Variants in CASTOR2 observed in about 807,000 individuals in gnomAD.
The protein encoded by CASTOR2 is cytosolic arginine sensor for mTORC1 subunit 2.
A neutral mutation model predicts 31.2 loss-of-function variants in CASTOR2; 8 were observed. The ratio of observed to expected loss-of-function variants is 0.26; its 90% CI spans 0.15 to 0.46. The LOEUF is 0.46. CASTOR2 is among the 20% of genes least tolerant of loss of function. The pLI, the probability that CASTOR2 is intolerant of heterozygous loss-of-function variation, is 0.99. For missense variants in CASTOR2, 216 were observed against 382.1 expected, an observed-to-expected ratio of 0.57 and a Z score of 3.62; for synonymous variants, 162 against 158.7, an observed-to-expected ratio of 1.02 and a Z score of -0.16.
intron 1 of CASTOR2, among the ~76,000 whole-genome samples, chr7:74,991,736 T>C (rs1191759251): frequency 4.7e-5 from 7 of 149,654 alleles, no homozygotes; most frequent in African/African-American, 1.7e-4. Context: ...GGCTGGGGAG[T>C]GGAATGAGGG....
intron 1 of CASTOR2, among the ~76,000 whole-genome samples, chr7:75,003,680 G>A (rs1167463012): frequency 6.6e-6 from 1 of 151,980 alleles, no homozygotes; most frequent in Non-Finnish European, 1.5e-5. Context: ...AACCCAGGAG[G>A]CGGAGCTTGC....
chr7:74,977,571 CAG>C (rs1395502107), intron 1 of CASTOR2, among the ~76,000 whole-genome samples: 10 of 147,270 alleles, frequency 6.8e-5, no homozygotes, highest in Non-Finnish European at 1.5e-4. Context: ...TTAGTAGAGA[CAG>C]AGTTTCACTG....
At chr7:74,981,901 TA>T (rs1426477662) in intron 1 of CASTOR2, among the ~76,000 whole-genome samples, 1 of 126,150 alleles carries the variant, frequency 7.9e-6, no homozygotes, top group Non-Finnish European at 1.6e-5. Context: ...ACCCCGTCTC[TA>T]CAAGAAATTT....
Position 75,031,299 on chromosome 7 carries a change from C to CCAG in CASTOR2, c.*6611_*6613dup, listed in dbSNP as rs1406243800. 5.3e-5 allele frequency among the ~76,000 whole-genome samples: 8 copies of CCAG among 152,092 alleles called. No homozygotes were observed. Among genetic ancestry groups the CCAG allele is most frequent in the Non-Finnish European group, 7.4e-5 (5 of 68,002 alleles). On this transcript the variant is annotated 3_prime_UTR_variant, in exon 9 of 9. Transcript: ENST00000616305. ...ACCCTCACCTGGCGTGCCCGGGTCA[C>CCAG]CAGCAGCAGCAGCGGCGTTCCATCG...
rs1215289260 is a variant in CASTOR2 at position 75,000,055 on chromosome 7, C to T, written c.114-7939C>T. 9.2e-5 allele frequency among the ~76,000 whole-genome samples: 14 copies of T among 152,194 alleles called. No homozygotes were observed. The South Asian group carries it at 1.7e-3, about 18-fold the overall frequency. On this transcript the variant is annotated intron_variant, in intron 1 of 8. Coordinates refer to ENST00000616305, the MANE Select transcript of CASTOR2 (RefSeq NM_001145064.3). The stretch of plus-strand genomic sequence containing the variant: ...CAGCCTGGGCAATATAGCAAGACCC[C>T]GTCTCCACAAACATTTAAAAATTAG...
At chr7:74,996,627 A>C (rs1347782319) in intron 1 of CASTOR2, among the ~76,000 whole-genome samples, 1 of 150,534 alleles carries the variant, frequency 6.6e-6, no homozygotes, top group Admixed American at 6.6e-5. Context: ...TATGTCAGGG[A>C]AAGACCAGGG....
At chr7:74,990,322 A>C (rs1343074068) in intron 1 of CASTOR2, among the ~76,000 whole-genome samples, 1 of 150,674 alleles carries the variant, frequency 6.6e-6, no homozygotes, top group Non-Finnish European at 1.5e-5. Context: ...CGGGAGGTGG[A>C]GCTTGCAGTG....
chr7:75,006,722 T>G (rs1804613701), intron 1 of CASTOR2, among the ~76,000 whole-genome samples: 1 of 152,250 alleles, frequency 6.6e-6, no homozygotes, highest in Non-Finnish European at 1.5e-5. Context: ...TGGCAGTGAA[T>G]AAGTCTCACG....
chr7:75,023,464 CTTTTTGT>C (rs878980871), intron 7 of CASTOR2, among the ~76,000 whole-genome samples: 83,139 of 138,460 alleles, frequency 0.6, 24,548 homozygotes, highest in East Asian at 0.83. Flanking sequence ...TTTTTTTTTT[CTTTTTGT>C]TTTTTGTTTT....
chr7:74,999,806 C>T (rs1309867086), intron 1 of CASTOR2, among the ~76,000 whole-genome samples: 9 of 151,696 alleles, frequency 5.9e-5, no homozygotes, highest in African/African-American at 1.5e-4. Context: ...TTAGTAGAGA[C>T]GGGGTTTCAC....
intron 1 of CASTOR2, among the ~76,000 whole-genome samples, chr7:74,991,888 T>C (rs1330009634): frequency 6.6e-6 from 1 of 151,872 alleles, no homozygotes; most frequent in Non-Finnish European, 1.5e-5. Context: ...GTGGGAGCCA[T>C]GGGAGGTGCT....
intron 1 of CASTOR2, among the ~76,000 whole-genome samples, chr7:75,005,523 C>T (rs1804587726): frequency 6.6e-6 from 1 of 152,040 alleles, no homozygotes; most frequent in Non-Finnish European, 1.5e-5. Context: ...TTTTTGTTTC[C>T]AATTTAGGAA....
chr7:75,016,996 A>G (rs1246766208), intron 2 of CASTOR2, among the ~76,000 whole-genome samples: 7 of 152,092 alleles, frequency 4.6e-5, no homozygotes, highest in Non-Finnish European at 7.4e-5. Context: ...GGAAAATGCC[A>G]TCTCTACTAA....
chr7:75,008,147 C>T (rs1554438965), intron 2 of CASTOR2, 83 bp downstream of exon 2: 95 of 1,445,602 alleles, frequency 6.6e-5, no homozygotes, highest in African/African-American at 5.7e-4. Context: ...TTCTGTCCCC[C>T]GCCCACCTCC....
rs1460481386 is a variant in CASTOR2, at chr7:75,001,537, C to T, written c.114-6457C>T. ...CCTGGCCATGACTCATTAGAAAAGG[C>T]GGAGAGAGAATTAGAACTGGAGACC... is the stretch of plus-strand genomic sequence containing the variant. On this transcript the variant is annotated intron_variant, in intron 1 of 8. Coordinates refer to ENST00000616305, the MANE Select transcript of CASTOR2 (RefSeq NM_001145064.3). Among the ~76,000 whole-genome samples, 268 of 152,260 alleles carry T rather than the reference C, an allele frequency of 1.8e-3. 2 individuals are homozygous for T. Among genetic ancestry groups the T allele is most frequent in the African/African-American group, 5.8e-3 (242 of 41,542 alleles).
In CASTOR2 at chr7:75,025,499, G is replaced by A. The variant is rs992990633; in HGVS notation, c.*800G>A. 1.3e-5 allele frequency among the ~76,000 whole-genome samples: 2 copies of A among 152,208 alleles called. No homozygotes were observed. The highest frequency in any genetic ancestry group is 4.8e-5 in the African/African-American group (2 of 41,458). On this transcript the variant is annotated 3_prime_UTR_variant, in exon 9 of 9. Coordinates refer to ENST00000616305, the MANE Select transcript of CASTOR2 (RefSeq NM_001145064.3). The stretch of plus-strand genomic sequence containing the variant: ...CCCGACTTGGGCAGGTAGAGCCTCA[G>A]CTTCCCCCAGTAGGGACATCCCTGG...
chr7:74,990,117 G>A (rs1197147222), intron 1 of CASTOR2, among the ~76,000 whole-genome samples: 4 of 151,950 alleles, frequency 2.6e-5, no homozygotes, highest in African/African-American at 9.7e-5. Flanking sequence ...TGCCGGGTGC[G>A]GTGGCTCACT....
intron 1 of CASTOR2, among the ~76,000 whole-genome samples, chr7:74,986,384 G>A (rs1255272915): frequency 1.3e-5 from 2 of 151,686 alleles, no homozygotes; most frequent in African/African-American, 4.8e-5. Flanking sequence ...CCAGCTACTC[G>A]GGAGGCTGAG....
chr7:75,029,601 C>A lies in CASTOR2; in HGVS notation c.*4902C>A, dbSNP rs1348065213. ...TCAGGTGATCCGCCCACCTTGGCCTCCCAAAGTGCTGGGATTACAGGCATG... is the reference window on the plus strand; with the variant it reads ...TCAGGTGATCCGCCCACCTTGGCCTACCAAAGTGCTGGGATTACAGGCATG... On this transcript the variant is annotated 3_prime_UTR_variant, in exon 9 of 9. Coordinates refer to ENST00000616305, the MANE Select transcript of CASTOR2 (RefSeq NM_001145064.3). Among the ~76,000 whole-genome samples, 3 of 152,226 alleles carry A rather than the reference C, an allele frequency of 2.0e-5. No homozygotes were observed. The highest frequency in any genetic ancestry group is 2.0e-4 in the Admixed American group (3 of 15,278).
Sources: allele counts gnomAD v4.1 joint callset (sites outside exome capture counted in the v4.1 genomes callset), GRCh38; gene constraint gnomAD v4.1.1; transcripts MANE v1.5; gene names NCBI Gene and HGNC (gene_info 2026-07-23, HGNC 2026-07-21).